The following CACNB2 variants were observed in gnomAD, a reference collection of about 807,000 sequenced individuals.
CACNB2 encodes voltage-dependent L-type calcium channel subunit beta-2.
Under a neutral mutation model 73.3 loss-of-function variants are expected in CACNB2, and 42 were observed. The observed-to-expected ratio is 0.57, with a 90% CI of 0.45 to 0.74. The LOEUF (loss-of-function observed/expected upper bound fraction) is 0.74. CACNB2 is among the 30% of genes least tolerant of loss of function. The probability of loss-of-function intolerance (pLI) is 0.00; values close to 1 mark genes in which losing one functional copy is unlikely to be tolerated. For synonymous variants in CACNB2, 348 were observed against 310.3 expected (o/e 1.12, Z -1.28); for missense variants, 940 against 853.0 (o/e 1.10, Z -1.27).
chr10:18,343,147 A>G (rs1238816778), intron 2 of CACNB2, among the ~76,000 whole-genome samples: 1 of 152,148 alleles, frequency 6.6e-6, no homozygotes, highest in Non-Finnish European at 1.5e-5. Flanking sequence ...TTAAGTGCAT[A>G]ATTTATTTAT....
chr10:18,206,703 CA>C, intron 2 of CACNB2: 1 of 152,418 alleles, frequency 6.6e-6, no homozygotes, highest in Non-Finnish European at 1.5e-5. Flanking sequence ...CAGTCCTCTC[CA>C]AAAAGCATGC....
chr10:18,504,475 G>A (rs1474800722), intron 5 of CACNB2, among the ~76,000 whole-genome samples: 1 of 152,142 alleles, frequency 6.6e-6, no homozygotes, highest in African/African-American at 2.4e-5. Flanking sequence ...CCGTATTTGA[G>A]GGAATGTAAC....
intron 2 of CACNB2, among the ~76,000 whole-genome samples, chr10:18,401,494 G>A (rs1464878278): frequency 1.3e-5 from 2 of 152,176 alleles, no homozygotes; most frequent in African/African-American, 4.8e-5. Flanking sequence ...ATTTTGGAGA[G>A]TTCAAGTTTA....
intron 2 of CACNB2, among the ~76,000 whole-genome samples, chr10:18,392,053 C>T (rs893520265): frequency 1.3e-5 from 2 of 151,964 alleles, no homozygotes; most frequent in African/African-American, 4.8e-5. Flanking sequence ...TGCAGAAGAC[C>T]TCATTGAGAA....
At chr10:18,219,587 G>C (rs1284013243) in intron 2 of CACNB2, among the ~76,000 whole-genome samples, 1 of 152,050 alleles carries the variant, frequency 6.6e-6, no homozygotes, top group African/African-American at 2.4e-5. Flanking sequence ...TTTCCATCTG[G>C]CTCTGTACAT....
intron 2 of CACNB2, among the ~76,000 whole-genome samples, chr10:18,326,530 T>A (rs910596835): frequency 6.6e-6 from 1 of 152,238 alleles, no homozygotes; most frequent in Non-Finnish European, 1.5e-5. Flanking sequence ...TCAGAACTGC[T>A]ATGCCCTCTG....
chr10:18,329,504 G>GAAAAAAAA (rs11413915), intron 2 of CACNB2, among the ~76,000 whole-genome samples: 6 of 112,498 alleles, frequency 5.3e-5, no homozygotes, highest in African/African-American at 9.2e-5. Flanking sequence ...AGTAAAAAAA[G>GAAAAAAAA]AAAAAAAAAA....
intron 2 of CACNB2, among the ~76,000 whole-genome samples, chr10:18,383,585 C>G (rs1039103133): frequency 2.0e-5 from 3 of 152,178 alleles, no homozygotes; most frequent in Non-Finnish European, 4.4e-5. Flanking sequence ...TCCCTACTTT[C>G]ATGAAGCTTT....
chr10:18,232,571 A>G (rs2036262897), intron 2 of CACNB2, among the ~76,000 whole-genome samples: 1 of 152,226 alleles, frequency 6.6e-6, no homozygotes, highest in Non-Finnish European at 1.5e-5. Context: ...TTTGGGGGTC[A>G]GAATGATACT....
chr10:18,371,934 T>C (rs1479455359), intron 2 of CACNB2, among the ~76,000 whole-genome samples: 1 of 152,248 alleles, frequency 6.6e-6, no homozygotes, highest in Non-Finnish European at 1.5e-5. Context: ...GGTTTTGATT[T>C]GCATTTCTCT....
At chr10:18,486,403 A>G (rs1296718925) in intron 3 of CACNB2, among the ~76,000 whole-genome samples, 10 of 152,306 alleles carry the variant, frequency 6.6e-5, no homozygotes, top group African/African-American at 2.4e-4. Flanking sequence ...TCCTCCTATA[A>G]TAATTGGTGC....
In CACNB2 at chr10:18,543,169, A is replaced by G. The variant is rs976160163; in HGVS notation, c.*3445A>G. Reference sequence around the variant, plus strand: ...TTTATTAGTAGTAGTATTAATTGCCATGTTAGAAATGATTCATGTAGTTGA... The same window carrying G: ...TTTATTAGTAGTAGTATTAATTGCCGTGTTAGAAATGATTCATGTAGTTGA... On this transcript the variant is annotated 3_prime_UTR_variant, in exon 14 of 14. Coordinates refer to ENST00000324631, the MANE Select transcript of CACNB2 (RefSeq NM_201596.3). The G allele has an allele frequency of 1.3e-5, 2 of 152,184 alleles. No homozygotes were observed. The highest frequency in any genetic ancestry group is 4.8e-5 in the African/African-American group (2 of 41,460). The allele number at this position is 152,184 out of a possible 1,614,324, so 9.4% of individuals were successfully genotyped here. A position where few individuals can be genotyped will look rare whatever the true frequency, so the allele number is the denominator to read the frequency against.
chr10:18,527,162 C>G (rs1015006268), intron 9 of CACNB2, among the ~76,000 whole-genome samples: 1 of 152,012 alleles, frequency 6.6e-6, no homozygotes, highest in Non-Finnish European at 1.5e-5. Flanking sequence ...AGGCGGATCA[C>G]TTGAGGCCAG....
intron 2 of CACNB2, among the ~76,000 whole-genome samples, chr10:18,205,540 C>T (rs569248669): frequency 6.6e-6 from 1 of 152,258 alleles, no homozygotes; most frequent in South Asian, 2.1e-4. Context: ...TGGGTGAGCA[C>T]ATTTTCTTAA....
At chr10:18,267,228 G>T (rs767033494) in intron 2 of CACNB2, among the ~76,000 whole-genome samples, 21 of 151,824 alleles carry the variant, frequency 1.4e-4, no homozygotes, top group Non-Finnish European at 2.4e-4. Flanking sequence ...TTTTAATATT[G>T]GCCATGTTAA....
At chr10:18,166,979 T>A (rs1011713766) in intron 2 of CACNB2, among the ~76,000 whole-genome samples, 1 of 152,160 alleles carries the variant, frequency 6.6e-6, no homozygotes, top group African/African-American at 2.4e-5. Context: ...CTCCAAGTCT[T>A]CCCGTTTCCT....
At chr10:18,511,663 C>T (rs113804395) in intron 6 of CACNB2, among the ~76,000 whole-genome samples, 10 of 152,088 alleles carry the variant, frequency 6.6e-5, no homozygotes, top group African/African-American at 2.4e-4. Flanking sequence ...TTTTCTTCTC[C>T]TTGACTGATT....
At position 18,539,316 on chromosome 10, in the gene CACNB2, C is replaced by A. The variant is rs747733907; in HGVS notation, c.1575C>A (p.Val525=). The change falls in exon 14 of 14, where the codon GTC becomes GTA. Residue 525 remains valine, a synonymous_variant. Transcript: ENST00000324631. ...AAGAAGAACCTAGTGTGGAACCAGT[C>A]AAGAAATCCCAGCACCGCTCTTCCT... ...QAEEEPSVEP[V]KKSQHRSSSS... is the part of the protein sequence containing the mutation. 1.2e-6 allele frequency: 2 copies of A among 1,614,082 alleles called. No individual in the cohort carries two copies. The highest frequency in any genetic ancestry group is 1.7e-6 in the Non-Finnish European group (2 of 1,180,016).
At chr10:18,424,172 C>A in intron 3 of CACNB2, among the ~76,000 whole-genome samples, 1 of 152,090 alleles carries the variant, frequency 6.6e-6, no homozygotes, top group South Asian at 2.1e-4. Context: ...GGAGCTTAGC[C>A]CACTGAGTTC....
Sources: gnomAD v4.1 joint callset for allele counts (sites outside exome capture counted in the v4.1 genomes callset) on GRCh38, gnomAD v4.1.1 for gene constraint, MANE v1.5 for transcripts, NCBI Gene and HGNC (gene_info 2026-07-23, HGNC 2026-07-21) for gene names.